ME1: variants seen among roughly 807,000 people sequenced by gnomAD.
ME1 encodes the protein NADP-dependent malic enzyme.
ME1 carries 74 observed loss-of-function variants against 66.4 expected under a neutral mutation model. The observed-to-expected ratio is 1.11, with a 90% CI of 0.92 to 1.35. The LOEUF (loss-of-function observed/expected upper bound fraction) is 1.35, where lower values mean the gene tolerates loss of function less well. Among genes scored for constraint, ME1 ranks in the 40% most tolerant of loss-of-function variants. ME1 has a pLI of 0.00. For synonymous variants in ME1, 251 were observed against 235.6 expected (o/e 1.07, Z -0.60); for missense variants, 750 against 694.1 (o/e 1.08, Z -0.90).
intron 6 of ME1, among the ~76,000 whole-genome samples, chr6:83,313,640 T>C (rs1396252726): frequency 1.3e-5 from 2 of 152,188 alleles, no homozygotes; most frequent in East Asian, 3.9e-4. Flanking sequence ...GTATTATCTA[T>C]ACAATCTCTT....
chr6:83,359,958 G>C (rs1455486852), intron 3 of ME1, among the ~76,000 whole-genome samples: 2 of 152,198 alleles, frequency 1.3e-5, no homozygotes, highest in South Asian at 2.1e-4. Flanking sequence ...CCGTAATAGA[G>C]AGCAGAGGCA....
chr6:83,348,637 T>A (rs1316719761), intron 4 of ME1, among the ~76,000 whole-genome samples: 1 of 151,942 alleles, frequency 6.6e-6, no homozygotes, highest in Non-Finnish European at 1.5e-5. Context: ...AACTTTTCAC[T>A]TATTTTTGAT....
At chr6:83,242,910 G>A (rs535240646) in intron 7 of ME1, among the ~76,000 whole-genome samples, 17 of 152,136 alleles carry the variant, frequency 1.1e-4, no homozygotes, top group African/African-American at 4.1e-4. Context: ...GGCACCAAGT[G>A]CCTCTGGAAG....
intron 3 of ME1, among the ~76,000 whole-genome samples, chr6:83,371,612 C>T (rs1769194738): frequency 6.6e-6 from 1 of 152,140 alleles, no homozygotes; most frequent in Non-Finnish European, 1.5e-5. Flanking sequence ...ACAGTTCAAG[C>T]AAATTCTTCT....
intron 9 of ME1, among the ~76,000 whole-genome samples, chr6:83,234,204 G>A (rs1370333754): frequency 6.6e-6 from 1 of 152,094 alleles, no homozygotes; most frequent in Non-Finnish European, 1.5e-5. Context: ...AATGTCATCA[G>A]AGACAACAAA....
intron 3 of ME1, among the ~76,000 whole-genome samples, chr6:83,391,127 AT>A (rs1183373573): frequency 6.6e-6 from 1 of 152,014 alleles, no homozygotes. Flanking sequence ...CCCAAATGAG[AT>A]TTTTTTACAG....
intron 7 of ME1, among the ~76,000 whole-genome samples, chr6:83,245,427 C>T (rs1362768797): frequency 6.6e-6 from 1 of 151,718 alleles, no homozygotes; most frequent in African/African-American, 2.4e-5. Context: ...TTTTTTGAGA[C>T]AGGGTTTCGC....
intron 4 of ME1, 146 bp from the exon 5 acceptor site, chr6:83,346,480 T>C (rs1487773840): frequency 2.0e-6 from 1 of 502,670 alleles, no homozygotes; most frequent in African/African-American, 2.0e-5. Flanking sequence ...ATTTTATAAA[T>C]TGTAATTGTG....
At chr6:83,374,567 G>GT (rs1207177621) in intron 3 of ME1, among the ~76,000 whole-genome samples, 9 of 152,132 alleles carry the variant, frequency 5.9e-5, no homozygotes, top group Non-Finnish European at 1.0e-4. Flanking sequence ...TCTGATGACA[G>GT]TTTCTTTTGC....
At chr6:83,294,598 C>A (rs1244897802) in intron 6 of ME1, among the ~76,000 whole-genome samples, 1 of 152,142 alleles carries the variant, frequency 6.6e-6, no homozygotes, top group African/African-American at 2.4e-5. Context: ...ACGTGGAGAA[C>A]CCAGGGGCAA....
At chr6:83,317,834 G>A (rs1320782520) in intron 5 of ME1, among the ~76,000 whole-genome samples, 3 of 152,126 alleles carry the variant, frequency 2.0e-5, no homozygotes, top group South Asian at 4.2e-4. Flanking sequence ...AAAAGAGCCC[G>A]CACTGCCAAG....
chr6:83,249,282 G>A (rs1163806458), intron 7 of ME1, among the ~76,000 whole-genome samples: 2 of 150,392 alleles, frequency 1.3e-5, no homozygotes, highest in Non-Finnish European at 3.0e-5. Context: ...TCACTCTGTT[G>A]CCCAGGCTAG....
chr6:83,252,172 A>G (rs1453838983), intron 7 of ME1, among the ~76,000 whole-genome samples: 4 of 152,188 alleles, frequency 2.6e-5, no homozygotes, highest in Non-Finnish European at 4.4e-5. Context: ...ACACTGGAAG[A>G]AGGTCAGGTT....
intron 1 of ME1, among the ~76,000 whole-genome samples, chr6:83,414,607 AT>A (rs896381405): frequency 2.2e-4 from 34 of 151,782 alleles, no homozygotes; most frequent in African/African-American, 8.0e-4. Context: ...GTTTGCTTAA[AT>A]TTTTTTTTAA....
chr6:83,214,811 T>C (rs1035734444), intron 13 of ME1, among the ~76,000 whole-genome samples: 1 of 152,128 alleles, frequency 6.6e-6, no homozygotes, highest in Non-Finnish European at 1.5e-5. Context: ...AAACTTGCAG[T>C]CCACTTACAT....
chr6:83,379,877 T>C (rs1769363444), intron 3 of ME1, among the ~76,000 whole-genome samples: 1 of 152,116 alleles, frequency 6.6e-6, no homozygotes, highest in Non-Finnish European at 1.5e-5. Flanking sequence ...TCTATATACC[T>C]CTTGTCAAAA....
chr6:83,292,998 AAAAGCACAGTATTTGGG>A (rs1767531785), intron 6 of ME1, among the ~76,000 whole-genome samples: 1 of 152,218 alleles, frequency 6.6e-6, no homozygotes, highest in South Asian at 2.1e-4. Context: ...AGATCATGGG[AAAAGCACAGTATTTGGG>A]CAGGAGCATA....
chr6:83,343,693 G>A (rs1462588875), intron 5 of ME1, among the ~76,000 whole-genome samples: 10 of 152,116 alleles, frequency 6.6e-5, no homozygotes, highest in African/African-American at 1.2e-4. Context: ...AGGTGGATGC[G>A]TTCTGCAGGC....
chr6:83,277,856 C>T (rs942146823), intron 6 of ME1, among the ~76,000 whole-genome samples: 2 of 150,830 alleles, frequency 1.3e-5, no homozygotes, highest in South Asian at 2.1e-4. Flanking sequence ...GAGCTGAGAT[C>T]GCACCATTGC....
Sources: gnomAD v4.1 joint callset for allele counts (sites outside exome capture counted in the v4.1 genomes callset) on GRCh38, gnomAD v4.1.1 for gene constraint, MANE v1.5 for transcripts, NCBI Gene and HGNC (gene_info 2026-07-23, HGNC 2026-07-21) for gene names.